B3GALT5: variants seen among roughly 807,000 people sequenced by gnomAD.
The protein encoded by B3GALT5 is beta-1,3-galactosyltransferase 5.
For missense variants in B3GALT5, 328 were observed against 396.6 expected (o/e 0.83, Z 1.47); for synonymous variants, 156 against 158.6 (o/e 0.98, Z 0.12).
intron 1 of B3GALT5, among the ~76,000 whole-genome samples, chr21:39,639,467 TC>T (rs2079271694): frequency 1.4e-5 from 2 of 141,250 alleles, no homozygotes; most frequent in Non-Finnish European, 3.1e-5. Flanking sequence ...TTTCTTTCTC[TC>T]TCTCTCTCTC....
intron 1 of B3GALT5, among the ~76,000 whole-genome samples, chr21:39,621,488 G>T (rs796184039): frequency 0.01 from 1,356 of 130,410 alleles, 16 homozygotes; most frequent in African/African-American, 0.035. Flanking sequence ...TTTTTTTTTT[G>T]TTGTTCCTTT....
rs1221521265 is a variant in B3GALT5 at position 39,665,408 on chromosome 21, A to C, written c.*3916A>C. 1 of 152,010 alleles carries C rather than the reference A, an allele frequency of 6.6e-6. No individual in the cohort carries two copies. The highest frequency in any genetic ancestry group is 1.5e-5 in the Non-Finnish European group (1 of 68,038). 9.4% of individuals were successfully genotyped at this position (152,010 alleles called of 1,614,324 possible). A position where few individuals can be genotyped will look rare whatever the true frequency, so the allele number is the denominator to read the frequency against. On this transcript the variant is annotated 3_prime_UTR_variant, in exon 4 of 4. Coordinates refer to ENST00000684187, the MANE Select transcript of B3GALT5 (RefSeq NM_001356336.2). ...CAGCATCCAGAGTGATCCTTTGAAA[A>C]TCTCATTTCTCTGCTCAAAACCCTC...
chr21:39,623,258 C>CCTTCCTTT (rs1569206757), intron 1 of B3GALT5, among the ~76,000 whole-genome samples: 12 of 125,950 alleles, frequency 9.5e-5, no homozygotes, highest in Admixed American at 3.5e-4. Flanking sequence ...TTCCTTCCTT[C>CCTTCCTTT]CTTCCTTCCT....
intron 1 of B3GALT5, among the ~76,000 whole-genome samples, chr21:39,615,043 C>T (rs2079100334): frequency 8.0e-6 from 1 of 124,746 alleles, no homozygotes; most frequent in South Asian, 2.7e-4. Flanking sequence ...AGCTTCGTGG[C>T]CCTGCATAAA....
At position 39,665,134 on chromosome 21, in the gene B3GALT5, G is replaced by C. The variant is rs1470823530; in HGVS notation, c.*3642G>C. 1 of 152,218 alleles carries C rather than the reference G, an allele frequency of 6.6e-6. No homozygotes were observed. Among genetic ancestry groups the C allele is most frequent in the Non-Finnish European group, 1.5e-5 (1 of 68,176 alleles). 9.4% of individuals were successfully genotyped at this position (152,218 alleles called of 1,614,324 possible). On this transcript the variant is annotated 3_prime_UTR_variant, in exon 4 of 4. Transcript: ENST00000684187. ...CCCATCTGCAGCCATTCCCGTCTCA[G>C]GTAATGGCCACTCCATCTTCCTGCA... is the stretch of plus-strand genomic sequence containing the variant.
chr21:39,642,159 A>G (rs529825293), intron 1 of B3GALT5, among the ~76,000 whole-genome samples: 2 of 152,326 alleles, frequency 1.3e-5, no homozygotes, highest in Non-Finnish European at 2.9e-5. Context: ...CTAGTTTTCC[A>G]TCACGTCCAT....
chr21:39,660,914 A>G lies in B3GALT5; in HGVS notation c.355A>G (p.Ile119Val), dbSNP rs748640619. ...CCAGGAGAGCCAGCGACACGGGGACATTATCCAGAAGGATTTCCTAGACGT... is the reference window on the plus strand; with the variant it reads ...CCAGGAGAGCCAGCGACACGGGGACGTTATCCAGAAGGATTTCCTAGACGT... ...VDQESQRHGDIIQKDFLDVYY... is the reference protein window; with the variant it reads ...VDQESQRHGDVIQKDFLDVYY... Residue 119 changes from isoleucine (I) to valine (V), a missense_variant, in exon 4 of 4, where the codon ATT becomes GTT. Transcript: ENST00000684187. The G allele has an allele frequency of 3.7e-6, 6 of 1,610,270 alleles. No individual in the cohort carries two copies. In the South Asian group the frequency reaches 4.4e-5, roughly 12 times the overall value.
rs2079548951 is a variant in B3GALT5, at chr21:39,663,500, CAG to C, written c.*2009_*2010del. 7.0e-6 allele frequency: 1 copy of C among 143,730 alleles called. No homozygotes were observed. Among genetic ancestry groups the C allele is most frequent in the Non-Finnish European group, 1.5e-5 (1 of 65,686 alleles). The allele number at this position is 143,730 out of a possible 1,614,324, so 8.9% of individuals were successfully genotyped here. On this transcript the variant is annotated 3_prime_UTR_variant, in exon 4 of 4. Transcript: ENST00000684187. The stretch of plus-strand genomic sequence containing the variant: ...CTTCTTTTCTTTTCTTTTTTTCTGA[CAG>C]GGTCTCACCCTGTCACCCAAGCTGG...
Position 39,671,617 on chromosome 21 carries a change from T to G in B3GALT5, c.*10125T>G, listed in dbSNP as rs2079629202. On this transcript the variant is annotated 3_prime_UTR_variant, in exon 4 of 4. Transcript: ENST00000684187. ...TTGTTGGGACTTGTTTTTATTTCTG[T>G]TTCGTTCTACGTGACCCCAAAATCT... 1 of 152,230 alleles carries G rather than the reference T, an allele frequency of 6.6e-6. No individual in the cohort carries two copies. The highest frequency in any genetic ancestry group is 1.5e-5 in the Non-Finnish European group (1 of 68,048). 9.4% of individuals were successfully genotyped at this position (152,230 alleles called of 1,614,324 possible). A position where few individuals can be genotyped will look rare whatever the true frequency, so the allele number is the denominator to read the frequency against.
chr21:39,647,932 T>C (rs2079357064), intron 2 of B3GALT5, among the ~76,000 whole-genome samples: 1 of 152,152 alleles, frequency 6.6e-6, no homozygotes, highest in Non-Finnish European at 1.5e-5. Flanking sequence ...ATTTTCGGAA[T>C]TTTCTAATGT....
Position 39,661,626 on chromosome 21 carries a change from A to G in B3GALT5, c.*134A>G. On this transcript the variant is annotated 3_prime_UTR_variant, in exon 4 of 4. Transcript: ENST00000684187. The surrounding 1 kb of genome is among the most constrained non-coding windows in gnomAD (Gnocchi z 4.7). ...AATCCACGCCAGAATGTCGGTGTTC[A>G]TGAAGTCACTGATTAGTTCCCACTT... is the stretch of plus-strand genomic sequence containing the variant. The G allele has an allele frequency of 1.1e-6, 1 of 894,202 alleles. No individual in the cohort carries two copies. Among genetic ancestry groups the G allele is most frequent in the Non-Finnish European group, 1.6e-6 (1 of 628,800 alleles). The allele number at this position is 894,202 out of a possible 1,614,324, so 55.4% of individuals were successfully genotyped here.
intron 1 of B3GALT5, among the ~76,000 whole-genome samples, chr21:39,639,394 C>CTTTTT (rs60073873): frequency 1.1e-5 from 1 of 92,588 alleles, no homozygotes; most frequent in Non-Finnish European, 2.2e-5. Context: ...TTCCTTCCTT[C>CTTTTT]TTTCTTTTTC....
chr21:39,621,564 C>T (rs73904080), intron 1 of B3GALT5, among the ~76,000 whole-genome samples: 16,255 of 151,756 alleles, frequency 0.11, 950 homozygotes, highest in Non-Finnish European at 0.13. Flanking sequence ...AGGCAGTGGA[C>T]TTCTGATGAC....
chr21:39,649,129 C>T (rs1229935972), intron 2 of B3GALT5, among the ~76,000 whole-genome samples: 1 of 152,196 alleles, frequency 6.6e-6, no homozygotes, highest in Non-Finnish European at 1.5e-5. Flanking sequence ...TGTGGCTTTT[C>T]TCCCCAGTCA....
Position 39,672,130 on chromosome 21 carries a change from AGC to A in B3GALT5, c.*10641_*10642del, listed in dbSNP as rs1177874544. The A allele has an allele frequency of 3.9e-5, 6 of 152,260 alleles. No individual in the cohort carries two copies. The highest frequency in any genetic ancestry group is 7.2e-5 in the African/African-American group (3 of 41,470). 9.4% of individuals were successfully genotyped at this position (152,260 alleles called of 1,614,324 possible). On this transcript the variant is annotated 3_prime_UTR_variant, in exon 4 of 4. Coordinates refer to ENST00000684187, the MANE Select transcript of B3GALT5 (RefSeq NM_001356336.2). ...TCTACCTCCATTCACTGGTCAAAGA[AGC>A]GCAGAGTTAAGTTGGCCAGTGTGGC...
rs1317302095 is a variant in B3GALT5 at position 39,638,848 on chromosome 21, C to A, written c.-391-7544C>A. 3.3e-5 allele frequency among the ~76,000 whole-genome samples: 5 copies of A among 152,208 alleles called. No homozygotes were observed. In the East Asian group the frequency reaches 9.6e-4, roughly 29 times the overall value. On this transcript the variant is annotated intron_variant, in intron 1 of 3. Coordinates refer to ENST00000684187, the MANE Select transcript of B3GALT5 (RefSeq NM_001356336.2). The stretch of plus-strand genomic sequence containing the variant: ...GAAGAAGCGAGTCACTCCCCCATCA[C>A]ACGCCCTGGGAGGAGGACAAGGGAA...
At chr21:39,629,321 T>A (rs1249483328) in intron 1 of B3GALT5, among the ~76,000 whole-genome samples, 2 of 152,220 alleles carry the variant, frequency 1.3e-5, no homozygotes, top group Admixed American at 1.3e-4. Flanking sequence ...AGCCTTAACA[T>A]CTTGATTGTA....
chr21:39,646,025 G>A (rs1475084592), intron 1 of B3GALT5, among the ~76,000 whole-genome samples: 15 of 151,100 alleles, frequency 9.9e-5, no homozygotes, highest in Admixed American at 9.9e-4. Flanking sequence ...CTGGAGTAAA[G>A]TGCTTATGAA....
In B3GALT5 at chr21:39,639,476, C is replaced by CTCTT. The variant is rs1342007298; in HGVS notation, c.-391-6902_-391-6899dup. 7.7e-5 allele frequency among the ~76,000 whole-genome samples: 9 copies of CTCTT among 116,354 alleles called. 1 individual carries two copies. The highest frequency in any genetic ancestry group is 1.2e-4 in the African/African-American group (4 of 32,654). The allele number at this position is 116,354 out of a possible 152,430, so 76.3% of individuals were successfully genotyped here. ...TCTTTTTTTCTTTCTCTCTCTCTCTCTCTTTCTTTCTTTCTTTTTTTTTGA... is the reference window on the plus strand; with the variant it reads ...TCTTTTTTTCTTTCTCTCTCTCTCTCTCTTTCTTTCTTTCTTTCTTTTTTTTTGA... On this transcript the variant is annotated intron_variant, in intron 1 of 3. Transcript: ENST00000684187.
Sources: gnomAD v4.1 joint callset for allele counts (sites outside exome capture counted in the v4.1 genomes callset) on GRCh38, gnomAD v4.1.1 for gene constraint, Gnocchi (gnomAD v3.1) non-coding constraint, MANE v1.5 for transcripts, NCBI Gene and HGNC (gene_info 2026-07-23, HGNC 2026-07-21) for gene names.